SENP6: variants seen among roughly 807,000 people sequenced by gnomAD.
SENP6 encodes SUMO specific peptidase 6, also known as sentrin-specific protease 6.
A neutral mutation model predicts 134.5 loss-of-function variants in SENP6; 41 were observed. The ratio of observed to expected loss-of-function variants is 0.30; its 90% CI spans 0.24 to 0.40. SENP6 has a LOEUF of 0.40. Among genes scored for constraint, SENP6 ranks in the 10% least tolerant of loss-of-function variants. The pLI, the probability that SENP6 is intolerant of heterozygous loss-of-function variation, is 1.00. For synonymous variants in SENP6, 395 were observed against 429.8 expected (o/e 0.92, Z 1.00); for missense variants, 1,248 against 1,312.5 (o/e 0.95, Z 0.76).
chr6:75,677,196 A>G lies in SENP6; in HGVS notation c.1788A>G (p.Thr596=), dbSNP rs1211355799. 2 of 1,612,310 alleles carry G rather than the reference A, an allele frequency of 1.2e-6. No individual in the cohort carries two copies. Among genetic ancestry groups the G allele is most frequent in the Admixed American group, 3.3e-5 (2 of 59,952 alleles). ...CTAATGGCAGACTTGTTGCCTGTAC[A>G]AGAACCTATGAAGAGAGCATCAAAG... The part of the protein sequence containing the change: ...EEANGRLVAC[T]RTYEESIKGS... Residue 596 remains threonine (T), a synonymous_variant, in exon 14 of 24, where the codon ACA becomes ACG. Transcript: ENST00000447266.
At chr6:75,689,580 C>G (rs574535415) in intron 16 of SENP6, among the ~76,000 whole-genome samples, 1 of 152,164 alleles carries the variant, frequency 6.6e-6, no homozygotes. Flanking sequence ...TATACAGTCT[C>G]GTGCCACATA....
At chr6:75,618,305 T>G (rs1768008638) in intron 1 of SENP6, among the ~76,000 whole-genome samples, 1 of 124,394 alleles carries the variant, frequency 8.0e-6, no homozygotes. Flanking sequence ...TCGGGAATGT[T>G]TATTTTATTT....
At chr6:75,652,683 C>CAAAAAAAAAAAAA (rs71002754) in intron 7 of SENP6, among the ~76,000 whole-genome samples, 15 of 75,858 alleles carry the variant, frequency 2.0e-4, no homozygotes, top group African/African-American at 3.2e-4. Context: ...CTAAAAATCT[C>CAAAAAAAAAAAAA]AAAAAAAAAA....
chr6:75,687,451 G>A (rs1395658418), intron 16 of SENP6, among the ~76,000 whole-genome samples: 5 of 152,224 alleles, frequency 3.3e-5, no homozygotes, highest in African/African-American at 1.2e-4. Context: ...CTGGCAAGAA[G>A]CTGCAATCCT....
chr6:75,623,873 G>T, intron 2 of SENP6, 27 bp from the exon 3 acceptor site: 1 of 1,574,762 alleles, frequency 6.4e-7, no homozygotes, highest in South Asian at 1.2e-5. Flanking sequence ...TGCTACTTAT[G>T]TTTTTTTCCC....
chr6:75,627,031 T>C (rs1466693736), intron 3 of SENP6, among the ~76,000 whole-genome samples: 1 of 152,150 alleles, frequency 6.6e-6, no homozygotes, highest in Non-Finnish European at 1.5e-5. Flanking sequence ...TGGTGCGATA[T>C]CGGCTCACTG....
intron 6 of SENP6, among the ~76,000 whole-genome samples, chr6:75,645,980 C>T (rs1498383): frequency 0.017 from 2,577 of 152,248 alleles, 74 homozygotes; most frequent in African/African-American, 0.059. Flanking sequence ...TGGCTCAGTA[C>T]ACAAGTTCAA....
At chr6:75,704,792 T>C (rs1345860084) in intron 19 of SENP6, among the ~76,000 whole-genome samples, 1 of 152,198 alleles carries the variant, frequency 6.6e-6, no homozygotes. Context: ...TGCAGCGCAT[T>C]GTGCCCCTGG....
intron 7 of SENP6, among the ~76,000 whole-genome samples, chr6:75,658,659 AT>A (rs1771524793): frequency 6.6e-6 from 1 of 152,126 alleles, no homozygotes; most frequent in Non-Finnish European, 1.5e-5. Context: ...AAGTTAGAAA[AT>A]TAGCTTGTGG....
At chr6:75,685,222 G>A (rs191869076) in intron 16 of SENP6, among the ~76,000 whole-genome samples, 53 of 152,310 alleles carry the variant, frequency 3.5e-4, no homozygotes, top group Admixed American at 1.5e-3. Flanking sequence ...TTGTACTTCT[G>A]TGGGATCAGT....
At chr6:75,652,318 T>G (rs932862627) in intron 7 of SENP6, among the ~76,000 whole-genome samples, 1 of 151,966 alleles carries the variant, frequency 6.6e-6, no homozygotes, top group Admixed American at 6.6e-5. Context: ...GCTGCAAATT[T>G]TTATATCCAA....
intron 16 of SENP6, among the ~76,000 whole-genome samples, chr6:75,693,672 A>C (rs1366654926): frequency 1.3e-5 from 2 of 152,118 alleles, no homozygotes; most frequent in African/African-American, 4.8e-5. Flanking sequence ...TTGAAACTTG[A>C]GCTTTGGAAT....
chr6:75,713,622 A>G (rs1775878278), intron 22 of SENP6, 41 bp downstream of exon 22: 2 of 1,597,428 alleles, frequency 1.3e-6, no homozygotes, highest in Non-Finnish European at 1.7e-6. Context: ...GGGGATGAAG[A>G]ACTATGTATA....
At chr6:75,623,874 T>A (rs1372859679) in intron 2 of SENP6, 26 bp from the exon 3 acceptor site, 2 of 1,575,628 alleles carry the variant, frequency 1.3e-6, no homozygotes, top group South Asian at 2.3e-5. Flanking sequence ...GCTACTTATG[T>A]TTTTTTCCCC....
chr6:75,637,068 T>C (rs1287923195), intron 5 of SENP6, among the ~76,000 whole-genome samples: 3 of 152,012 alleles, frequency 2.0e-5, no homozygotes, highest in African/African-American at 7.2e-5. Context: ...ATTTTTTTTG[T>C]AGAGACGTGG....
chr6:75,665,886 G>T (rs1562023976), intron 9 of SENP6, among the ~76,000 whole-genome samples: 1 of 151,934 alleles, frequency 6.6e-6, no homozygotes, highest in East Asian at 1.9e-4. Flanking sequence ...AATTAGCTGG[G>T]TGTAGTGGTG....
chr6:75,608,265 A>C (rs1213235954), intron 1 of SENP6, among the ~76,000 whole-genome samples: 4 of 152,110 alleles, frequency 2.6e-5, no homozygotes, highest in African/African-American at 9.7e-5. Context: ...GTTCAAGACC[A>C]GCCTGGGCAA....
At chr6:75,670,054 C>A (rs928607064) in intron 10 of SENP6, among the ~76,000 whole-genome samples, 2 of 151,514 alleles carry the variant, frequency 1.3e-5, no homozygotes, top group Non-Finnish European at 2.9e-5. Context: ...CTGCCTCAGC[C>A]TCCTGAGTAG....
chr6:75,649,224 A>G (rs1419544159), intron 7 of SENP6, among the ~76,000 whole-genome samples: 1 of 152,068 alleles, frequency 6.6e-6, no homozygotes, highest in African/African-American at 2.4e-5. Context: ...CTGAGACACA[A>G]GAATCGCTTG....
Sources: gnomAD v4.1 joint callset for allele counts (sites outside exome capture counted in the v4.1 genomes callset) on GRCh38, gnomAD v4.1.1 for gene constraint, MANE v1.5 for transcripts, NCBI Gene and HGNC (gene_info 2026-07-23, HGNC 2026-07-21) for gene names.